The following IQGAP2 variants were observed in gnomAD, a reference collection of about 807,000 sequenced individuals.
IQGAP2 encodes IQ motif containing GTPase activating protein 2, also known as ras GTPase-activating-like protein IQGAP2.
A neutral mutation model predicts 201.3 loss-of-function variants in IQGAP2; 173 were observed. The ratio of observed to expected loss-of-function variants is 0.86; its 90% confidence interval spans 0.76 to 0.98. The LOEUF (loss-of-function observed/expected upper bound fraction) is 0.98, where lower values mean the gene tolerates loss of function less well. IQGAP2 is among the 50% of genes least tolerant of loss of function. The probability of loss-of-function intolerance (pLI) is 0.00; values close to 1 mark genes in which losing one functional copy is unlikely to be tolerated. For synonymous variants in IQGAP2, 675 were observed against 673.9 expected (o/e 1.00, Z -0.03); for missense variants, 1,687 against 1,864.8 (o/e 0.90, Z 1.76).
chr5:76,553,812 C>T (rs1037352432), intron 2 of IQGAP2, among the ~76,000 whole-genome samples: 3 of 152,140 alleles, frequency 2.0e-5, no homozygotes, highest in African/African-American at 7.2e-5. Flanking sequence ...GGGTTGTGGG[C>T]CAATAAACTA....
chr5:76,528,710 C>T (rs1759111755), intron 2 of IQGAP2, among the ~76,000 whole-genome samples: 2 of 152,224 alleles, frequency 1.3e-5, no homozygotes, highest in Non-Finnish European at 2.9e-5. Flanking sequence ...CAGCAGGCGA[C>T]TCTAGGGTCA....
At chr5:76,408,839 C>A (rs1750942339) in intron 1 of IQGAP2, among the ~76,000 whole-genome samples, 1 of 152,068 alleles carries the variant, frequency 6.6e-6, no homozygotes. Context: ...GTCACCCAGG[C>A]TGAAGTACAG....
chr5:76,549,573 C>T (rs567758869), intron 2 of IQGAP2, among the ~76,000 whole-genome samples: 23 of 152,102 alleles, frequency 1.5e-4, no homozygotes, highest in African/African-American at 5.3e-4. Flanking sequence ...AAACAAAATA[C>T]CACAGATTGG....
intron 9 of IQGAP2, among the ~76,000 whole-genome samples, chr5:76,595,768 A>AAGAGAG (rs142088212): frequency 0.017 from 2,500 of 144,248 alleles, 59 homozygotes; most frequent in African/African-American, 0.051. Context: ...CAAAAAAAGA[A>AAGAGAG]AGAGAGAGAG....
intron 3 of IQGAP2, among the ~76,000 whole-genome samples, chr5:76,565,797 A>T (rs1561468314): frequency 6.6e-6 from 1 of 152,236 alleles, no homozygotes; most frequent in South Asian, 2.1e-4. Flanking sequence ...CAGTATGCTG[A>T]GTGTGATACT....
At chr5:76,494,674 G>A (rs968970400) in intron 2 of IQGAP2, among the ~76,000 whole-genome samples, 24 of 147,200 alleles carry the variant, frequency 1.6e-4, no homozygotes, top group African/African-American at 6.5e-4. Flanking sequence ...GTTGTTTTTT[G>A]TTTTGTTTTG....
At chr5:76,484,940 G>A (rs4703709) in intron 2 of IQGAP2, among the ~76,000 whole-genome samples, 2 of 151,992 alleles carry the variant, frequency 1.3e-5, no homozygotes, top group African/African-American at 2.4e-5. Context: ...GGGATCCTCC[G>A]GCCTCAGCCT....
chr5:76,462,422 A>G (rs1226735820), intron 2 of IQGAP2, among the ~76,000 whole-genome samples: 1 of 152,174 alleles, frequency 6.6e-6, no homozygotes, highest in Non-Finnish European at 1.5e-5. Flanking sequence ...GATTAAATAA[A>G]TGTTGCGTTC....
At chr5:76,578,564 A>G (rs767310663) in intron 5 of IQGAP2, among the ~76,000 whole-genome samples, 29 of 152,160 alleles carry the variant, frequency 1.9e-4, no homozygotes, top group Non-Finnish European at 3.7e-4. Flanking sequence ...TGCCTGCCTC[A>G]GCTTCCCAGT....
At chr5:76,451,505 G>C (rs1753744080) in intron 1 of IQGAP2, among the ~76,000 whole-genome samples, 1 of 152,072 alleles carries the variant, frequency 6.6e-6, no homozygotes, top group Non-Finnish European at 1.5e-5. Context: ...CTTCTAATAA[G>C]ATATCATGGC....
intron 1 of IQGAP2, among the ~76,000 whole-genome samples, chr5:76,422,172 C>T (rs1180951910): frequency 6.6e-6 from 1 of 152,120 alleles, no homozygotes; most frequent in Admixed American, 6.6e-5. Flanking sequence ...CCTGGGGGCT[C>T]TAGAATGGTG....
rs1561544108 is a variant in IQGAP2, at chr5:76,644,282, ATTTTTGTAAATCCTTTT to A, written c.2094+3185_2094+3201del. On this transcript the variant is annotated intron_variant, in intron 17 of 35. Coordinates refer to ENST00000274364, the MANE Select transcript of IQGAP2 (RefSeq NM_006633.5). ...TACCAGGCAGGAGAATGAGACTGCC[ATTTTTGTAAATCCTTTT>A]TTTTTTTTTTTTTTTTTTGAGACAG... is the stretch of plus-strand genomic sequence containing the variant. 7.9e-5 allele frequency among the ~76,000 whole-genome samples: 6 copies of A among 75,996 alleles called. 1 individual carries two copies. The highest frequency in any genetic ancestry group is 1.3e-4 in the Admixed American group (1 of 7,790). 49.9% of individuals were successfully genotyped at this position (75,996 alleles called of 152,430 possible). A position where few individuals can be genotyped will look rare whatever the true frequency, so the allele number is the denominator to read the frequency against.
chr5:76,640,941 T>G lies in IQGAP2; in HGVS notation c.1932T>G (p.Ile644Met). The change falls in exon 17 of 36, where the codon ATT (isoleucine) becomes ATG (methionine). Residue 644 changes from isoleucine to methionine, a missense_variant. Coordinates refer to ENST00000274364, the MANE Select transcript of IQGAP2 (RefSeq NM_006633.5). ...GAAATATCTCTTGCCAGGACATTAT[T>G]GAGGAAGTCACAGTAGGTTACATTC... ...WLTGKEIEDIIEEVTVGYIRE... is the reference protein window; with the variant it reads ...WLTGKEIEDIMEEVTVGYIRE... 6.3e-7 allele frequency: 1 copy of G among 1,584,100 alleles called. No homozygotes were observed. The highest frequency in any genetic ancestry group is 1.7e-5 in the Admixed American group (1 of 59,162).
chr5:76,642,075 C>T (rs1751632512), intron 17 of IQGAP2, among the ~76,000 whole-genome samples: 1 of 152,058 alleles, frequency 6.6e-6, no homozygotes, highest in South Asian at 2.1e-4. Flanking sequence ...ATCTGACACT[C>T]AAAGGATTTT....
chr5:76,617,111 C>T (rs1318034262), intron 13 of IQGAP2: 1 of 154,888 alleles, frequency 6.5e-6, no homozygotes, highest in Non-Finnish European at 1.4e-5. Flanking sequence ...ATCTTTTCTC[C>T]TGCATTAACA....
chr5:76,676,986 G>C (rs1744875954), intron 27 of IQGAP2, among the ~76,000 whole-genome samples: 1 of 152,206 alleles, frequency 6.6e-6, no homozygotes. Flanking sequence ...AACAGGGCCT[G>C]AGGCCCTTGC....
chr5:76,433,282 T>C lies in IQGAP2; in HGVS notation c.47-28288T>C, dbSNP rs185465280. ...CTAGGCCAATGTCCAGAAGAGTTTT[T>C]CCTGGGTTTTATTCTAGAACTTTTA... is the stretch of plus-strand genomic sequence containing the variant. On this transcript the variant is annotated intron_variant, in intron 1 of 35. Coordinates refer to ENST00000274364, the MANE Select transcript of IQGAP2 (RefSeq NM_006633.5). Among the ~76,000 whole-genome samples the C allele has an allele frequency of 1.2e-3, 180 of 152,334 alleles. 3 individuals carry two copies. The highest frequency in any genetic ancestry group is 4.0e-3 in the African/African-American group (166 of 41,578).
intron 2 of IQGAP2, among the ~76,000 whole-genome samples, chr5:76,548,687 G>A (rs1319726359): frequency 6.6e-6 from 1 of 152,202 alleles, no homozygotes; most frequent in Non-Finnish European, 1.5e-5. Context: ...AATCTCATCA[G>A]ATTAGTGTGA....
chr5:76,524,475 T>C (rs1211270767), intron 2 of IQGAP2, among the ~76,000 whole-genome samples: 2 of 152,190 alleles, frequency 1.3e-5, no homozygotes, highest in African/African-American at 4.8e-5. Context: ...CAGTGATATA[T>C]AAGCAAAAAT....
Sources: allele counts gnomAD v4.1 joint callset (sites outside exome capture counted in the v4.1 genomes callset), GRCh38; gene constraint gnomAD v4.1.1; transcripts MANE v1.5; gene names NCBI Gene and HGNC (gene_info 2026-07-23, HGNC 2026-07-21).